Variants in CD276 observed in about 807,000 individuals in gnomAD.
The protein encoded by CD276 is CD276 molecule.
A neutral mutation model predicts 50.0 loss-of-function variants in CD276; 34 were observed. That is an observed-to-expected ratio of 0.68 (90% CI 0.52 to 0.91). CD276 has a LOEUF of 0.91. Ranked by LOEUF, CD276 falls within the 40% of genes least tolerant of loss-of-function variation. The pLI is 0.00. For missense variants in CD276, 634 were observed against 717.5 expected (o/e 0.88, Z 1.33); for synonymous variants, 275 against 313.0 (o/e 0.88, Z 1.28).
At chr15:73,702,183 C>A in intron 2 of CD276, 72 bp from the exon 3 acceptor site, 2 of 1,242,600 alleles carry the variant, frequency 1.6e-6, no homozygotes, top group Non-Finnish European at 2.2e-6. Flanking sequence ...TTAGCAGGGG[C>A]AGGGAGCGGG....
Position 73,684,463 on chromosome 15 carries a change from G to C in CD276, c.-55+3G>C. On this transcript the variant is annotated splice_donor_region_variant and intron_variant, in intron 1 of 9. Coordinates refer to ENST00000318443, the MANE Select transcript of CD276 (RefSeq NM_001024736.2). ...AGTCCCAGAGTCGGCGCGGCGCGGTGAGTGCTGGCGTGGCGCGGGCGGCGC... is the reference window on the plus strand; with the variant it reads ...AGTCCCAGAGTCGGCGCGGCGCGGTCAGTGCTGGCGTGGCGCGGGCGGCGC... 1 of 152,726 alleles carries C rather than the reference G, an allele frequency of 6.5e-6. No homozygotes were observed. The highest frequency in any genetic ancestry group is 2.0e-4 in the South Asian group (1 of 5,018). 9.5% of individuals were successfully genotyped at this position (152,726 alleles called of 1,614,324 possible).
Position 73,712,937 on chromosome 15 carries a change from A to T in CD276, c.1586A>T (p.Asp529Val), listed in dbSNP as rs1436605528. 6.2e-7 allele frequency: 1 copy of T among 1,613,530 alleles called. No homozygotes were observed. The highest frequency in any genetic ancestry group is 1.3e-5 in the African/African-American group (1 of 74,850). The change falls in exon 10 of 10, where the codon GAT becomes GTT. Residue 529 changes from aspartate (D) to valine (V), a missense_variant. Coordinates refer to ENST00000318443, the MANE Select transcript of CD276 (RefSeq NM_001024736.2). ...TTCTTCCCATCATGAAATGAAGATG[A>T]TGGACAAGAAATAGCCTGACCATGA... is the stretch of plus-strand genomic sequence containing the variant. ...PLKHSDSKED[D>V]GQEIA is the part of the protein sequence containing the mutation.
At chr15:73,697,044 C>A (rs561498839) in intron 1 of CD276, among the ~76,000 whole-genome samples, 9 of 152,246 alleles carry the variant, frequency 5.9e-5, no homozygotes, top group African/African-American at 1.9e-4. Flanking sequence ...TCTGGGCGTT[C>A]GTTCATCCTT....
At chr15:73,712,881 T>C in intron 9 of CD276, 53 bp from the exon 10 acceptor site, 2 of 1,584,124 alleles carry the variant, frequency 1.3e-6, no homozygotes, top group Non-Finnish European at 1.7e-6. Flanking sequence ...ATAGATCTTC[T>C]GGCATCTAAT....
chr15:73,701,385 C>G (rs1053358972), intron 2 of CD276, among the ~76,000 whole-genome samples: 4 of 152,182 alleles, frequency 2.6e-5, no homozygotes, highest in African/African-American at 4.8e-5. Context: ...CATTGCTACT[C>G]AGATTATGCG....
At chr15:73,691,222 C>T (rs1170268301) in intron 1 of CD276, among the ~76,000 whole-genome samples, 1 of 148,754 alleles carries the variant, frequency 6.7e-6, no homozygotes, top group African/African-American at 2.5e-5. Context: ...AGCTCAAGCA[C>T]ATTTAAGAAA....
Position 73,687,853 on chromosome 15 carries a change from G to C in CD276, c.-55+3393G>C, listed in dbSNP as rs967690687. ...CTTGCTGGGAGCCTTGGAGCAGGGA[G>C]AGATACTGTCTCTGGGAGGCAGGGG... On this transcript the variant is annotated intron_variant, in intron 1 of 9. Transcript: ENST00000318443. This position sits in a 1 kb window ranked among gnomAD's most constrained non-coding sequence, Gnocchi z 4.0. Among the ~76,000 whole-genome samples, 9 of 152,192 alleles carry C rather than the reference G, an allele frequency of 5.9e-5. No individual in the cohort carries two copies. The highest frequency in any genetic ancestry group is 1.2e-4 in the Non-Finnish European group (8 of 68,032).
Position 73,703,887 on chromosome 15 carries a change from G to A in CD276, c.962G>A (p.Gly321Asp). 1 of 1,613,734 alleles carries A rather than the reference G, an allele frequency of 6.2e-7. No homozygotes were observed. The highest frequency in any genetic ancestry group is 8.5e-7 in the Non-Finnish European group (1 of 1,180,006). ...TALFPDLLAQ[G>D]NASLRLQRVR... ...CTCTTCCCGGACCTGCTGGCACAAG[G>A]CAATGCATCCCTGAGGCTGCAGCGC... The change falls in exon 5 of 10, where the codon GGC becomes GAC. Residue 321 changes from glycine to aspartate, a missense_variant. Physicochemically the swap from Gly to Asp is moderately conservative, Grantham distance 94. Transcript: ENST00000318443.
chr15:73,711,218 T>G (rs571878087), intron 9 of CD276, 48 bp downstream of exon 9: 17 of 1,598,530 alleles, frequency 1.1e-5, no homozygotes, highest in South Asian at 9.9e-5. Context: ...CACACATCTG[T>G]GTGTGAGAGG....
At position 73,711,137 on chromosome 15, in the gene CD276, C is replaced by T. The variant is rs1567024654; in HGVS notation, c.1549C>T (p.Leu517=). 6.2e-7 allele frequency: 1 copy of T among 1,614,066 alleles called. No homozygotes were observed. Among genetic ancestry groups the T allele is most frequent in the East Asian group, 2.2e-5 (1 of 44,864 alleles). ...DGEGEGSKTA[L]QPLKHSDSKE... ...TGTGCGCCTTCCTTTTTTTACAGCC[C>T]TGCAGCCTCTGAAACACTCTGACAG... The change falls in exon 9 of 10, where the codon CTG becomes TTG. Residue 517 remains leucine, a splice_region_variant and synonymous_variant. Coordinates refer to ENST00000318443, the MANE Select transcript of CD276 (RefSeq NM_001024736.2).
intron 1 of CD276, among the ~76,000 whole-genome samples, chr15:73,696,950 T>G (rs965265827): frequency 6.6e-6 from 1 of 151,132 alleles, no homozygotes; most frequent in Non-Finnish European, 1.5e-5. Context: ...TGAGAAGCAG[T>G]GTGGAGAGTG....
rs149869002 is a variant in CD276, at chr15:73,703,826, C to T, written c.901C>T (p.Arg301Trp). The T allele has an allele frequency of 5.5e-5, 88 of 1,613,512 alleles. 1 individual carries two copies. The South Asian group carries it at 8.1e-4, about 15-fold the overall frequency. ...GCTGGTGCACAGTTTCACCGAAGGCCGGGACCAGGGCAGCGCCTATGCCAA... is the reference window on the plus strand; with the variant it reads ...GCTGGTGCACAGTTTCACCGAAGGCTGGGACCAGGGCAGCGCCTATGCCAA... The part of the protein sequence containing the change: ...KQLVHSFTEG[R>W]DQGSAYANRT... Residue 301 changes from arginine (R) to tryptophan (W), a missense_variant, in exon 5 of 10, where the codon CGG becomes TGG. Physicochemically the swap from Arg to Trp is moderately radical, Grantham distance 101 (BLOSUM62 -3). Transcript: ENST00000318443.
chr15:73,691,777 A>G (rs1899997219), intron 1 of CD276, among the ~76,000 whole-genome samples: 1 of 152,204 alleles, frequency 6.6e-6, no homozygotes, highest in Non-Finnish European at 1.5e-5. Flanking sequence ...TCGGCATTGA[A>G]TTTGCCTCTT....
intron 1 of CD276, among the ~76,000 whole-genome samples, chr15:73,696,159 G>T (rs1423627301): frequency 6.6e-6 from 1 of 152,230 alleles, no homozygotes; most frequent in African/African-American, 2.4e-5. Flanking sequence ...GGATAGAGCA[G>T]GAAGGAGAAG....
At position 73,704,370 on chromosome 15, in the gene CD276, C is replaced by T. The variant is rs1900560115; in HGVS notation, c.1267C>T (p.His423Tyr). 1 of 1,614,102 alleles carries T rather than the reference C, an allele frequency of 6.2e-7. No individual in the cohort carries two copies. ...MANEQGLFDVHSVLRVVLGAN... is the reference protein window; with the variant it reads ...MANEQGLFDVYSVLRVVLGAN... ...CAACGAGCAGGGCTTGTTTGATGTGCACAGCGTCCTGCGGGTGGTGCTGGG... is the reference window on the plus strand; with the variant it reads ...CAACGAGCAGGGCTTGTTTGATGTGTACAGCGTCCTGCGGGTGGTGCTGGG... The change falls in exon 6 of 10, where the codon CAC becomes TAC. Residue 423 changes from histidine (H) to tyrosine (Y), a missense_variant. His to Tyr is a moderately conservative substitution (Grantham distance 83). Coordinates refer to ENST00000318443, the MANE Select transcript of CD276 (RefSeq NM_001024736.2). This position sits in a 1 kb window ranked among gnomAD's most constrained non-coding sequence, Gnocchi z 4.1.
chr15:73,687,394 G>A lies in CD276; in HGVS notation c.-55+2934G>A, dbSNP rs1899812320. Among the ~76,000 whole-genome samples, 1 of 152,196 alleles carries A rather than the reference G, an allele frequency of 6.6e-6. No homozygotes were observed. Among genetic ancestry groups the A allele is most frequent in the Non-Finnish European group, 1.5e-5 (1 of 68,028 alleles). On this transcript the variant is annotated intron_variant, in intron 1 of 9. Transcript: ENST00000318443. This position sits in a 1 kb window ranked among gnomAD's most constrained non-coding sequence, Gnocchi z 4.0. ...AGCCGGCAAATGGTGGAGCTGGGCTGTTGTCTGCTTCCAGAACTGGCTTTT... is the reference window on the plus strand; with the variant it reads ...AGCCGGCAAATGGTGGAGCTGGGCTATTGTCTGCTTCCAGAACTGGCTTTT...
chr15:73,696,049 C>T (rs1284628760), intron 1 of CD276, among the ~76,000 whole-genome samples: 1 of 152,238 alleles, frequency 6.6e-6, no homozygotes, highest in Non-Finnish European at 1.5e-5. Context: ...TGTGGCCCTG[C>T]TTCTGCAGGG....
chr15:73,712,777 G>T (rs1372966841), intron 9 of CD276, among the ~76,000 whole-genome samples, 157 bp from the exon 10 acceptor site: 8 of 152,182 alleles, frequency 5.3e-5, no homozygotes, highest in Admixed American at 1.3e-4. Flanking sequence ...CAGGGCCGTG[G>T]TCAGCACGGG....
chr15:73,686,170 T>G, intron 1 of CD276: 3 of 278,308 alleles, frequency 1.1e-5, no homozygotes, highest in Non-Finnish European at 1.6e-5. Flanking sequence ...GCCTCAGTGA[T>G]GCAGTCAGGG....
Sources: gnomAD v4.1 joint callset for allele counts (sites outside exome capture counted in the v4.1 genomes callset) on GRCh38, gnomAD v4.1.1 for gene constraint, Gnocchi (gnomAD v3.1) non-coding constraint, MANE v1.5 for transcripts, NCBI Gene and HGNC (gene_info 2026-07-23, HGNC 2026-07-21) for gene names.